Variants in GPR155 observed in about 807,000 individuals in gnomAD.
GPR155 encodes G protein-coupled receptor 155, also known as lysosomal cholesterol signaling protein.
In GPR155, 65 loss-of-function variants were observed where a neutral mutation model predicts 93.1. That is an observed-to-expected ratio of 0.70 (90% CI 0.57 to 0.86). GPR155 has a LOEUF of 0.86. Ranked by LOEUF, GPR155 falls within the 40% of genes least tolerant of loss-of-function variation. GPR155 has a pLI of 0.00. For synonymous variants in GPR155, 319 were observed against 360.1 expected, an observed-to-expected ratio of 0.89 and a Z score of 1.29; for missense variants, 838 against 1,034.8, an observed-to-expected ratio of 0.81 and a Z score of 2.61.
Position 174,434,035 on chromosome 2 carries a change from A to C in GPR155, c.*2081T>G, listed in dbSNP as rs1216512241. The C allele has an allele frequency of 6.0e-5, 9 of 150,496 alleles. No homozygotes were observed. 9.3% of individuals were successfully genotyped at this position (150,496 alleles called of 1,614,324 possible). A position where few individuals can be genotyped will look rare whatever the true frequency, so the allele number is the denominator to read the frequency against. On this transcript the variant is annotated 3_prime_UTR_variant, in exon 16 of 16. Coordinates refer to ENST00000392552, the MANE Select transcript of GPR155 (RefSeq NM_152529.7). ...GAGTGCAGTGGCACGATCTCAGCTC[A>C]CTGCAACCTCTGCCTCCTGGTTTCA... is the stretch of plus-strand genomic sequence containing the variant.
chr2:174,437,638 A>C (rs1686827346), intron 15 of GPR155, among the ~76,000 whole-genome samples: 1 of 142,882 alleles, frequency 7.0e-6, no homozygotes. Context: ...GCTGGAGTGC[A>C]ATGGCACGAT....
intron 7 of GPR155, among the ~76,000 whole-genome samples, chr2:174,464,323 T>C (rs1687781236): frequency 6.6e-6 from 1 of 152,192 alleles, no homozygotes; most frequent in Non-Finnish European, 1.5e-5. Flanking sequence ...ACCTGGGATT[T>C]TACTGATATA....
At chr2:174,452,417 T>C (rs1481865461) in intron 11 of GPR155, among the ~76,000 whole-genome samples, 1 of 152,234 alleles carries the variant, frequency 6.6e-6, no homozygotes, top group Non-Finnish European at 1.5e-5. Context: ...TACATTGTTT[T>C]CTATAATCCT....
At chr2:174,466,204 T>A (rs934394963) in intron 6 of GPR155, among the ~76,000 whole-genome samples, 25 of 152,170 alleles carry the variant, frequency 1.6e-4, no homozygotes, top group African/African-American at 5.8e-4. Flanking sequence ...ATGGCTTACA[T>A]TAAAATTGCT....
At chr2:174,442,567 C>A (rs141822853) in intron 13 of GPR155, among the ~76,000 whole-genome samples, 2 of 152,124 alleles carry the variant, frequency 1.3e-5, no homozygotes, top group African/African-American at 4.8e-5. Flanking sequence ...ACAAGTGTTG[C>A]AGTATCTAAT....
At chr2:174,439,777 A>G (rs1343438955) in intron 15 of GPR155, 121 bp downstream of exon 15, 7 of 738,170 alleles carry the variant, frequency 9.5e-6, no homozygotes, top group Non-Finnish European at 1.3e-5. Context: ...TTTTACATGC[A>G]TATGTAAAAA....
chr2:174,468,805 C>T, intron 5 of GPR155, 107 bp downstream of exon 5: 2 of 974,240 alleles, frequency 2.1e-6, no homozygotes, highest in African/African-American at 3.3e-5. Context: ...CAGGCTTTAG[C>T]TTTCTTTATT....
intron 10 of GPR155, among the ~76,000 whole-genome samples, chr2:174,454,121 A>ATTTTGTTTTG (rs1309705405): frequency 6.6e-5 from 10 of 151,828 alleles, no homozygotes; most frequent in Admixed American, 5.3e-4. Context: ...TAAGGCTAGG[A>ATTTTGTTTTG]TTTTGTTTTG....
At chr2:174,448,442 C>CT (rs1687207519) in intron 11 of GPR155, among the ~76,000 whole-genome samples, 1 of 151,742 alleles carries the variant, frequency 6.6e-6, no homozygotes, top group Non-Finnish European at 1.5e-5. Flanking sequence ...TTCTGGACAT[C>CT]GACCTTTGGG....
chr2:174,470,302 A>G (rs1687955096), intron 4 of GPR155, 88 bp downstream of exon 4: 4 of 1,106,994 alleles, frequency 3.6e-6, no homozygotes, highest in South Asian at 1.5e-5. Context: ...TTTCATTTTT[A>G]AAAAAGAATT....
At chr2:174,482,025 A>C in intron 1 of GPR155, 38 bp from the exon 2 acceptor site, 2 of 1,057,902 alleles carry the variant, frequency 1.9e-6, no homozygotes, top group Non-Finnish European at 2.8e-6. Context: ...ATGGCCATCA[A>C]CAAGAATTCT....
At chr2:174,480,260 G>A (rs1017050560) in intron 2 of GPR155, among the ~76,000 whole-genome samples, 1 of 151,864 alleles carries the variant, frequency 6.6e-6, no homozygotes, top group African/African-American at 2.4e-5. Flanking sequence ...TATTTTTATG[G>A]CCCTTGTCAC....
chr2:174,442,114 T>C lies in GPR155; in HGVS notation c.2174+5A>G, dbSNP rs1275592605. On this transcript the variant is annotated splice_donor_5th_base_variant and intron_variant, in intron 14 of 15. Transcript: ENST00000392552. ...GATACAGATTTATTTCAAAACTTAA[T>C]TTACCTTCTTTTGAAAGGCAGGATG... The C allele has an allele frequency of 5.4e-6, 7 of 1,285,004 alleles. No homozygotes were observed. Among genetic ancestry groups the C allele is most frequent in the Non-Finnish European group, 7.9e-6 (7 of 881,748 alleles). 79.6% of individuals were successfully genotyped at this position (1,285,004 alleles called of 1,614,324 possible).
At chr2:174,445,010 T>TC (rs1687076730) in intron 13 of GPR155, 71 bp downstream of exon 13, 1 of 762,838 alleles carries the variant, frequency 1.3e-6, no homozygotes, top group African/African-American at 1.7e-5. Flanking sequence ...ACTCCCCGCT[T>TC]CCCCCGACCC....
intron 4 of GPR155, 93 bp from the exon 5 acceptor site, chr2:174,469,160 T>C (rs1687923075): frequency 9.5e-7 from 1 of 1,048,032 alleles, no homozygotes; most frequent in African/African-American, 1.6e-5. Flanking sequence ...CATTCTAAAA[T>C]AAAAATGAGA....
intron 10 of GPR155, among the ~76,000 whole-genome samples, chr2:174,457,026 A>G (rs1687538675): frequency 6.6e-6 from 1 of 152,196 alleles, no homozygotes; most frequent in Admixed American, 6.5e-5. Flanking sequence ...AAAAAAGAAA[A>G]CTGGGCCAGG....
At chr2:174,448,007 A>G (rs1477417021) in intron 11 of GPR155, among the ~76,000 whole-genome samples, 1 of 152,016 alleles carries the variant, frequency 6.6e-6, no homozygotes, top group Non-Finnish European at 1.5e-5. Flanking sequence ...ACCTCTCATT[A>G]AAGAGTTTAC....
At chr2:174,452,273 ATTAT>A (rs766012547) in intron 11 of GPR155, among the ~76,000 whole-genome samples, 28 of 152,206 alleles carry the variant, frequency 1.8e-4, no homozygotes, top group Admixed American at 5.9e-4. Flanking sequence ...GAATTCTATT[ATTAT>A]TTAAGATTCA....
intron 13 of GPR155, among the ~76,000 whole-genome samples, chr2:174,444,313 G>T (rs1486816555): frequency 6.6e-6 from 1 of 151,656 alleles, no homozygotes; most frequent in Non-Finnish European, 1.5e-5. Flanking sequence ...TACTCAGGAG[G>T]CTGAGACAGG....
Sources: allele counts gnomAD v4.1 joint callset (sites outside exome capture counted in the v4.1 genomes callset), GRCh38; gene constraint gnomAD v4.1.1; transcripts MANE v1.5; gene names NCBI Gene and HGNC (gene_info 2026-07-23, HGNC 2026-07-21).